The following ATF7IP2 variants were observed in gnomAD, a reference collection of about 807,000 sequenced individuals.
ATF7IP2 encodes the protein activating transcription factor 7-interacting protein 2.
ATF7IP2 carries 42 observed loss-of-function variants against 64.2 expected under a neutral mutation model. The observed-to-expected ratio is 0.65, with a 90% CI of 0.51 to 0.85. The LOEUF is 0.85. ATF7IP2 is among the 40% of genes least tolerant of loss of function. The probability of loss-of-function intolerance (pLI) is 0.00; values close to 1 mark genes in which losing one functional copy is unlikely to be tolerated. For missense variants in ATF7IP2, 933 were observed against 784.2 expected (o/e 1.19, Z -2.27); for synonymous variants, 308 against 272.8 (o/e 1.13, Z -1.27).
At chr16:10,388,249 T>C (rs2047244386) in intron 1 of ATF7IP2, among the ~76,000 whole-genome samples, 1 of 152,174 alleles carries the variant, frequency 6.6e-6, no homozygotes, top group Non-Finnish European at 1.5e-5. Context: ...ACTAGGATAG[T>C]TTTTCATCTT....
At chr16:10,414,636 T>C (rs949660270) in intron 2 of ATF7IP2, 24 bp downstream of exon 2, 1 of 100,626 alleles carries the variant, frequency 9.9e-6, no homozygotes, top group African/African-American at 4.9e-5. Flanking sequence ...ATTGTGTGTG[T>C]GTGTGTGTGT....
chr16:10,481,431 C>A (rs1401207953), intron 13 of ATF7IP2, among the ~76,000 whole-genome samples: 1 of 150,998 alleles, frequency 6.6e-6, no homozygotes, highest in Non-Finnish European at 1.5e-5. Context: ...ATTACAGGCA[C>A]GCACCACCAC....
chr16:10,449,374 G>C (rs1350931062), intron 8 of ATF7IP2: 2 of 152,226 alleles, frequency 1.3e-5, no homozygotes, highest in African/African-American at 4.8e-5. Context: ...AATGGTTTCA[G>C]AAGGAACAGT....
intron 8 of ATF7IP2, chr16:10,448,769 C>G (rs1165221028): frequency 6.6e-6 from 1 of 152,170 alleles, no homozygotes; most frequent in Admixed American, 6.5e-5. Flanking sequence ...GACAATTTGA[C>G]TTCCTCTCTT....
chr16:10,403,674 A>G (rs550686482), intron 1 of ATF7IP2, among the ~76,000 whole-genome samples: 10 of 152,336 alleles, frequency 6.6e-5, no homozygotes, highest in Admixed American at 1.3e-4. Flanking sequence ...ACTTAATGAA[A>G]TGCAAGGGAA....
intron 12 of ATF7IP2, 86 bp from the exon 13 acceptor site, chr16:10,480,793 C>A: frequency 1.1e-6 from 1 of 878,412 alleles, no homozygotes; most frequent in Non-Finnish European, 1.9e-6. Context: ...ATTTAATTAC[C>A]ACCAAAGATG....
chr16:10,436,950 G>A (rs923273339), intron 6 of ATF7IP2, among the ~76,000 whole-genome samples: 2 of 150,700 alleles, frequency 1.3e-5, no homozygotes, highest in Non-Finnish European at 2.9e-5. Flanking sequence ...CAGCTACTAC[G>A]ATTTGTTAGA....
At chr16:10,449,395 C>T (rs775500218) in intron 8 of ATF7IP2, 2 of 152,202 alleles carry the variant, frequency 1.3e-5, no homozygotes, top group African/African-American at 2.4e-5. Flanking sequence ...ACCAGCTCCT[C>T]TTTGTACCTC....
chr16:10,480,521 A>AACTTGGC lies in ATF7IP2; in HGVS notation c.1550-357_1550-351dup, dbSNP rs981062122. 2.8e-4 allele frequency among the ~76,000 whole-genome samples: 43 copies of AACTTGGC among 151,836 alleles called. 1 individual carries two copies. The highest frequency in any genetic ancestry group is 9.9e-4 in the African/African-American group (41 of 41,372). On this transcript the variant is annotated intron_variant, in intron 12 of 13. Coordinates refer to ENST00000562102, the MANE Select transcript of ATF7IP2 (RefSeq NM_001393719.1). ...CATGATTTTTAGTTTGAATTCCTAA[A>AACTTGGC]ACTTGGCTATAGATTATAAATGGCT...
intron 8 of ATF7IP2, among the ~76,000 whole-genome samples, chr16:10,453,111 A>G (rs1302305949): frequency 6.6e-6 from 1 of 152,166 alleles, no homozygotes; most frequent in Non-Finnish European, 1.5e-5. Flanking sequence ...TCTCACTGGC[A>G]TTCTAGGCAC....
intron 1 of ATF7IP2, among the ~76,000 whole-genome samples, chr16:10,409,330 G>A (rs1490927493): frequency 6.6e-6 from 1 of 152,148 alleles, no homozygotes; most frequent in Non-Finnish European, 1.5e-5. Context: ...TAGGGGCAAG[G>A]AGGCATGGAG....
At chr16:10,400,231 G>C (rs1038184798) in intron 1 of ATF7IP2, among the ~76,000 whole-genome samples, 2 of 152,014 alleles carry the variant, frequency 1.3e-5, no homozygotes, top group Admixed American at 1.3e-4. Context: ...AGTAGAGATG[G>C]GGTTTCACCA....
At chr16:10,478,878 C>A (rs1367420652) in intron 12 of ATF7IP2, among the ~76,000 whole-genome samples, 1 of 152,306 alleles carries the variant, frequency 6.6e-6, no homozygotes, top group East Asian at 1.9e-4. Context: ...GACATTTATG[C>A]AGCCAAAAAA....
chr16:10,479,105 G>T (rs894602562), intron 12 of ATF7IP2, among the ~76,000 whole-genome samples: 5 of 150,814 alleles, frequency 3.3e-5, no homozygotes, highest in African/African-American at 9.8e-5. Flanking sequence ...ATTCCTCAGG[G>T]ATCTAGAACT....
In ATF7IP2 at chr16:10,481,895, A is replaced by C; in HGVS notation, c.1695A>C (p.Glu565Asp). The change falls in exon 14 of 14, where the codon GAA (glutamate) becomes GAC (aspartate). Residue 565 changes from glutamate to aspartate, a missense_variant. Transcript: ENST00000562102. ...PLPEPPAPLPELVDKTRDTLP... is the reference protein window; with the variant it reads ...PLPEPPAPLPDLVDKTRDTLP... ...CAGAACCACCAGCACCACTACCTGA[A>C]TTAGTAGACAAAACCCGAGACACAC... 1 of 1,613,258 alleles carries C rather than the reference A, an allele frequency of 6.2e-7. No individual in the cohort carries two copies. The highest frequency in any genetic ancestry group is 8.5e-7 in the Non-Finnish European group (1 of 1,179,776).
chr16:10,402,970 C>T (rs960044099), intron 1 of ATF7IP2, among the ~76,000 whole-genome samples: 4 of 151,766 alleles, frequency 2.6e-5, no homozygotes, highest in Admixed American at 6.6e-5. Flanking sequence ...GAGAATGTTC[C>T]ATGTGCTAAT....
Position 10,438,375 on chromosome 16 carries a change from G to C in ATF7IP2, c.1095+140G>C, listed in dbSNP as rs911684235. ...TCCTACCACCTCAGTCTCCAGAGTA[G>C]CTGAGACTACAGGTGCACACCACCA... is the stretch of plus-strand genomic sequence containing the variant. On this transcript the variant is annotated intron_variant, in intron 7 of 13. Transcript: ENST00000562102. The C allele has an allele frequency of 6.2e-6, 5 of 805,002 alleles. No individual in the cohort carries two copies. The African/African-American group carries it at 9.1e-5, about 15-fold the overall frequency. 49.9% of individuals were successfully genotyped at this position (805,002 alleles called of 1,614,324 possible). A position where few individuals can be genotyped will look rare whatever the true frequency, so the allele number is the denominator to read the frequency against.
intron 1 of ATF7IP2, among the ~76,000 whole-genome samples, chr16:10,392,056 CT>C (rs369793123): frequency 1.8e-3 from 222 of 126,092 alleles, no homozygotes; most frequent in Middle Eastern, 0.017. Flanking sequence ...GTTGTATTAT[CT>C]TTTTTTTTTT....
chr16:10,397,343 A>G lies in ATF7IP2; in HGVS notation c.-242+11221A>G, dbSNP rs995516233. The stretch of plus-strand genomic sequence containing the variant: ...TGGTACCACATACATTATCCATTTT[A>G]GGATTGTATTTTTGATTTCTATGAA... On this transcript the variant is annotated intron_variant, in intron 1 of 13. Coordinates refer to ENST00000562102, the MANE Select transcript of ATF7IP2 (RefSeq NM_001393719.1). 2.6e-5 allele frequency among the ~76,000 whole-genome samples: 4 copies of G among 152,242 alleles called. No homozygotes were observed. In the South Asian group the frequency reaches 6.2e-4, roughly 24 times the overall value.
Sources: allele counts gnomAD v4.1 joint callset (sites outside exome capture counted in the v4.1 genomes callset), GRCh38; gene constraint gnomAD v4.1.1; transcripts MANE v1.5; gene names NCBI Gene and HGNC (gene_info 2026-07-23, HGNC 2026-07-21).